Variants in DCDC1 observed in about 807,000 individuals in gnomAD.
DCDC1 encodes the protein doublecortin domain-containing protein 1.
DCDC1 carries 200 observed loss-of-function variants against 178.3 expected under a neutral mutation model. That is an observed-to-expected ratio of 1.12 (90% CI 1.00 to 1.26). The LOEUF is 1.26. DCDC1 is among the 50% of genes most tolerant of loss of function. The probability of loss-of-function intolerance (pLI) is 0.00; values close to 1 mark genes in which losing one functional copy is unlikely to be tolerated. For missense variants in DCDC1, 1,983 were observed against 1,749.2 expected, an observed-to-expected ratio of 1.13 and a Z score of -2.38; for synonymous variants, 690 against 604.8, an observed-to-expected ratio of 1.14 and a Z score of -2.07.
At chr11:31,247,799 C>A (rs1279623212) in intron 8 of DCDC1, among the ~76,000 whole-genome samples, 1 of 151,960 alleles carries the variant, frequency 6.6e-6, no homozygotes, top group Non-Finnish European at 1.5e-5. Context: ...ATTCTATTGT[C>A]TGATCTTTCT....
intron 9 of DCDC1, among the ~76,000 whole-genome samples, chr11:31,189,272 C>T (rs933349563): frequency 6.6e-6 from 1 of 152,062 alleles, no homozygotes; most frequent in African/African-American, 2.4e-5. Flanking sequence ...CAAAGGCACA[C>T]GAAATCTAAA....
intron 3 of DCDC1, among the ~76,000 whole-genome samples, chr11:31,315,990 A>C (rs1336771385): frequency 9.0e-6 from 1 of 111,168 alleles, no homozygotes; most frequent in African/African-American, 4.5e-5. Context: ...TGAACTCATC[A>C]TTTTTTATGG....
At chr11:31,091,294 T>C (rs1957807153) in intron 17 of DCDC1, 99 bp downstream of exon 17, 1 of 574,332 alleles carries the variant, frequency 1.7e-6, no homozygotes. Flanking sequence ...AAACATTGAA[T>C]GAATATTCAA....
At chr11:30,979,192 A>G (rs1241638101) in intron 20 of DCDC1, among the ~76,000 whole-genome samples, 3 of 152,146 alleles carry the variant, frequency 2.0e-5, no homozygotes, top group African/African-American at 7.2e-5. Context: ...TAGCAAGTAC[A>G]TCATCACACT....
intron 8 of DCDC1, among the ~76,000 whole-genome samples, chr11:31,257,111 A>G (rs188200703): frequency 1.6e-3 from 241 of 152,322 alleles, no homozygotes; most frequent in African/African-American, 5.4e-3. Context: ...GCTTTCAAGG[A>G]TAACGGCAAC....
chr11:31,300,552 G>C (rs879791135), intron 6 of DCDC1, among the ~76,000 whole-genome samples: 4 of 152,054 alleles, frequency 2.6e-5, no homozygotes, highest in African/African-American at 4.8e-5. Context: ...ACAGGGACTA[G>C]AATCTTGCAA....
intron 36 of DCDC1, among the ~76,000 whole-genome samples, chr11:30,888,186 G>A (rs1000125617): frequency 6.0e-5 from 9 of 150,308 alleles, no homozygotes; most frequent in African/African-American, 2.0e-4. Flanking sequence ...GAGAAAGGAA[G>A]GAAGAGAGAG....
intron 9 of DCDC1, among the ~76,000 whole-genome samples, chr11:31,189,289 T>G (rs772275028): frequency 6.6e-6 from 1 of 152,164 alleles, no homozygotes; most frequent in Non-Finnish European, 1.5e-5. Flanking sequence ...TAAAATGTGT[T>G]AATTTCACAC....
At chr11:31,120,905 C>T (rs946077419) in intron 11 of DCDC1, among the ~76,000 whole-genome samples, 1 of 152,094 alleles carries the variant, frequency 6.6e-6, no homozygotes, top group Non-Finnish European at 1.5e-5. Context: ...ACATTGCTGA[C>T]ATTTCCATGG....
Position 30,903,642 on chromosome 11 carries a change from T to G in DCDC1, c.4350A>C (p.Ala1450=). 20 of 1,610,508 alleles carry G rather than the reference T, an allele frequency of 1.2e-5. No individual in the cohort carries two copies. The highest frequency in any genetic ancestry group is 1.7e-5 in the Non-Finnish European group (20 of 1,178,262). Residue 1450 remains alanine (A), a synonymous_variant, in exon 32 of 39, where the codon GCA becomes GCC. Coordinates refer to ENST00000684477, the MANE Select transcript of DCDC1 (RefSeq NM_001387274.1). ...ECTEQLGLAR[A]ASKVYTKDGT... ...CATCTTTGGTATATACTTTGGAGGC[T>G]GCTCTGGCAAGCCCAAGTTGTTCCG...
At chr11:31,193,955 G>A (rs1455758149) in intron 9 of DCDC1, among the ~76,000 whole-genome samples, 1 of 152,080 alleles carries the variant, frequency 6.6e-6, no homozygotes, top group Non-Finnish European at 1.5e-5. Flanking sequence ...CAGTGGAACT[G>A]AAGTGGACAG....
intron 9 of DCDC1, among the ~76,000 whole-genome samples, chr11:31,197,415 TA>T (rs892051065): frequency 6.6e-6 from 1 of 152,158 alleles, no homozygotes; most frequent in Non-Finnish European, 1.5e-5. Context: ...TTACAATGAC[TA>T]AATGTAAACT....
chr11:30,952,342 C>T (rs1948475806), intron 21 of DCDC1, 103 bp downstream of exon 21: 1 of 1,047,844 alleles, frequency 9.5e-7, no homozygotes, highest in Admixed American at 3.0e-5. Flanking sequence ...TTGCACCTAA[C>T]AGCTGCAATT....
At chr11:31,343,850 G>A (rs1442911481) in intron 1 of DCDC1, among the ~76,000 whole-genome samples, 1 of 151,958 alleles carries the variant, frequency 6.6e-6, no homozygotes, top group African/African-American at 2.4e-5. Context: ...AACCCAGGAG[G>A]CGGAAATTGC....
chr11:30,897,477 G>A (rs1434555657), intron 34 of DCDC1, among the ~76,000 whole-genome samples: 2 of 150,832 alleles, frequency 1.3e-5, no homozygotes, highest in African/African-American at 2.4e-5. Context: ...CAGCTACTCA[G>A]GAGGCTGAGA....
intron 38 of DCDC1, among the ~76,000 whole-genome samples, chr11:30,867,235 G>A (rs1941077267): frequency 6.6e-6 from 1 of 152,106 alleles, no homozygotes; most frequent in African/African-American, 2.4e-5. Context: ...AACTTACAAG[G>A]GGTTTCTAGG....
At chr11:30,919,128 G>T (rs1462315939) in intron 25 of DCDC1, among the ~76,000 whole-genome samples, 3 of 152,014 alleles carry the variant, frequency 2.0e-5, no homozygotes, top group African/African-American at 7.2e-5. Flanking sequence ...CATCAGAAAT[G>T]GTTCAAATGA....
intron 15 of DCDC1, among the ~76,000 whole-genome samples, chr11:31,101,409 G>A (rs911607954): frequency 2.0e-5 from 3 of 152,066 alleles, no homozygotes; most frequent in Non-Finnish European, 2.9e-5. Flanking sequence ...AAATTTCTAA[G>A]TGTAAATTGA....
intron 20 of DCDC1, among the ~76,000 whole-genome samples, chr11:31,034,273 T>C (rs2135298222): frequency 7.1e-6 from 1 of 140,866 alleles, no homozygotes; most frequent in Non-Finnish European, 1.5e-5. Flanking sequence ...AGAGTCAAAG[T>C]TAAAAAAATT....
Sources: gnomAD v4.1 joint callset for allele counts (sites outside exome capture counted in the v4.1 genomes callset) on GRCh38, gnomAD v4.1.1 for gene constraint, MANE v1.5 for transcripts, NCBI Gene and HGNC (gene_info 2026-07-23, HGNC 2026-07-21) for gene names.